Variants in SLC12A6 observed in about 807,000 individuals in gnomAD.
SLC12A6 encodes the protein solute carrier family 12 member 6.
In SLC12A6, 66 loss-of-function variants were observed where a neutral mutation model predicts 135.3. The ratio of observed to expected loss-of-function variants is 0.49; its 90% confidence interval spans 0.40 to 0.60. The LOEUF (loss-of-function observed/expected upper bound fraction) is 0.60. SLC12A6 is among the 20% of genes least tolerant of loss of function. The pLI is 0.00. For synonymous variants in SLC12A6, 513 were observed against 508.8 expected (o/e 1.01, Z -0.11); for missense variants, 1,058 against 1,452.3 (o/e 0.73, Z 4.41).
intron 2 of SLC12A6, among the ~76,000 whole-genome samples, chr15:34,315,178 GA>G (rs2141098341): frequency 6.6e-6 from 1 of 152,306 alleles, no homozygotes; most frequent in Non-Finnish European, 1.5e-5. Context: ...CTCCAATTTT[GA>G]AAGAAGTTCT....
chr15:34,327,289 AAAAT>A (rs893026741), intron 2 of SLC12A6, among the ~76,000 whole-genome samples: 13 of 152,338 alleles, frequency 8.5e-5, no homozygotes, highest in African/African-American at 2.2e-4. Flanking sequence ...GAACCAGAAA[AAAAT>A]AAATAAACCA....
At chr15:34,291,974 G>GCCTACTTCTGTCAACCTGT (rs1199974077) in intron 2 of SLC12A6, among the ~76,000 whole-genome samples, 1 of 152,078 alleles carries the variant, frequency 6.6e-6, no homozygotes, top group Non-Finnish European at 1.5e-5. Context: ...ACCTTCTGAA[G>GCCTACTTCTGTCAACCTGT]CCTACTTCTG....
Position 34,250,957 on chromosome 15 carries a change from A to C in SLC12A6, c.1434T>G (p.Leu478=), listed in dbSNP as rs1330433941. 6.2e-7 allele frequency: 1 copy of C among 1,612,520 alleles called. No individual in the cohort carries two copies. Among genetic ancestry groups the C allele is most frequent in the Non-Finnish European group, 8.5e-7 (1 of 1,178,526 alleles). The part of the protein sequence containing the change: ...VLGSLNHEYV[L]VDITTSFTLL... ...GCGTGAAGGAGGTGGTGATGTCAAC[A>C]AGAACATATTCATGGTTTAAGCTGC... Residue 478 remains leucine (L), a synonymous_variant, in exon 11 of 26, where the codon CTT becomes CTG. Coordinates refer to ENST00000354181, the MANE Select transcript of SLC12A6 (RefSeq NM_001365088.1).
intron 2 of SLC12A6, among the ~76,000 whole-genome samples, 169 bp downstream of exon 2, chr15:34,336,241 C>CT (rs1272283434): frequency 6.6e-6 from 1 of 152,206 alleles, no homozygotes; most frequent in African/African-American, 2.4e-5. Context: ...CAAAGAGCCA[C>CT]TATGCTATTA....
Position 34,231,092 on chromosome 15 carries a change from C to G in SLC12A6, c.*2789G>C, listed in dbSNP as rs1890889312. On this transcript the variant is annotated 3_prime_UTR_variant, in exon 26 of 26. Transcript: ENST00000354181. ...TCCTGGTTGGGCACAGTGGCTCACGCCTGTAATCCCAGCACTTTGGGAGGC... is the reference window on the plus strand; with the variant it reads ...TCCTGGTTGGGCACAGTGGCTCACGGCTGTAATCCCAGCACTTTGGGAGGC... 6.6e-6 allele frequency: 1 copy of G among 152,332 alleles called. No individual in the cohort carries two copies. The highest frequency in any genetic ancestry group is 1.5e-5 in the Non-Finnish European group (1 of 68,168). 9.4% of individuals were successfully genotyped at this position (152,332 alleles called of 1,614,324 possible). A position where few individuals can be genotyped will look rare whatever the true frequency, so the allele number is the denominator to read the frequency against.
intron 2 of SLC12A6, among the ~76,000 whole-genome samples, chr15:34,324,910 G>A (rs930611305): frequency 2.0e-5 from 3 of 151,868 alleles, no homozygotes; most frequent in Non-Finnish European, 4.4e-5. Flanking sequence ...TTAAAAAATA[G>A]TAAAAATGAA....
chr15:34,229,902 A>C lies in SLC12A6; in HGVS notation c.*3979T>G, dbSNP rs568668609. 8.1e-5 allele frequency: 81 copies of C among 999,730 alleles called. No individual in the cohort carries two copies. The highest frequency in any genetic ancestry group is 1.7e-4 in the Admixed American group (9 of 52,782). The allele number at this position is 999,730 out of a possible 1,614,324, so 61.9% of individuals were successfully genotyped here. On this transcript the variant is annotated 3_prime_UTR_variant, in exon 26 of 26. Transcript: ENST00000354181. ...CTAATCACTTATGTTAAAAAGAACCAAAAGACTCTTTTCTCCATGGTGGGG... is the reference window on the plus strand; with the variant it reads ...CTAATCACTTATGTTAAAAAGAACCCAAAGACTCTTTTCTCCATGGTGGGG...
At chr15:34,330,080 T>C (rs1474543689) in intron 2 of SLC12A6, among the ~76,000 whole-genome samples, 1 of 152,146 alleles carries the variant, frequency 6.6e-6, no homozygotes, top group African/African-American at 2.4e-5. Flanking sequence ...ATCATGTACA[T>C]GTTCAAATTT....
chr15:34,282,704 A>ATCAC (rs568217506), intron 2 of SLC12A6, among the ~76,000 whole-genome samples: 35 of 152,300 alleles, frequency 2.3e-4, no homozygotes, highest in African/African-American at 6.7e-4. Flanking sequence ...ATGAGCTATG[A>ATCAC]TCACTCACTC....
chr15:34,336,325 A>T, intron 2 of SLC12A6, 85 bp downstream of exon 2: 1 of 1,079,230 alleles, frequency 9.3e-7, no homozygotes, highest in Non-Finnish European at 1.4e-6. Context: ...TAATTATATG[A>T]TTATGATCTT....
intron 2 of SLC12A6, among the ~76,000 whole-genome samples, chr15:34,321,778 A>G (rs1889108280): frequency 6.6e-6 from 1 of 152,252 alleles, no homozygotes; most frequent in Admixed American, 6.5e-5. Context: ...ACTATTCAGC[A>G]ATAAAAAGGA....
chr15:34,268,341 T>G lies in SLC12A6; in HGVS notation c.316+7004A>C, dbSNP rs918877877. 3.9e-5 allele frequency among the ~76,000 whole-genome samples: 6 copies of G among 152,180 alleles called. No homozygotes were observed. In the South Asian group the frequency reaches 1.2e-3, roughly 31 times the overall value. ...ATATCCCTGGAGATTTTTGTCTACA[T>G]TTTATGAGACCAATGATGCCTCCAA... On this transcript the variant is annotated intron_variant, in intron 3 of 25. Coordinates refer to ENST00000354181, the MANE Select transcript of SLC12A6 (RefSeq NM_001365088.1).
At chr15:34,296,915 T>A (rs74921651) in intron 2 of SLC12A6, among the ~76,000 whole-genome samples, 22 of 152,200 alleles carry the variant, frequency 1.4e-4, no homozygotes, top group Admixed American at 1.3e-4. Context: ...ACCAAACTGT[T>A]TTACTTGTGT....
chr15:34,236,809 T>C lies in SLC12A6; in HGVS notation c.2941A>G (p.Ser981Gly). Reference protein sequence around the residue: ...AEVEVVEMHDSDISAYTYERT... With the variant: ...AEVEVVEMHDGDISAYTYERT... The stretch of plus-strand genomic sequence containing the variant: ...TCGTAAGTATATGCTGATATATCAC[T>C]GTCATGCTGCCATAGACATCACATA... Residue 981 changes from serine (S) to glycine (G), a missense_variant, in exon 23 of 26, where the codon AGT (serine) becomes GGT (glycine). Around this residue, in one of 6 missense-constraint regions of SLC12A6, gnomAD observed 245 missense variants for 440.8 expected, o/e 0.56. Transcript: ENST00000354181. 1.3e-6 allele frequency: 2 copies of C among 1,592,808 alleles called. No individual in the cohort carries two copies. Among genetic ancestry groups the C allele is most frequent in the South Asian group, 1.1e-5 (1 of 90,664 alleles).
In SLC12A6 at chr15:34,260,447, A is replaced by C. The variant is rs112129161; in HGVS notation, c.411+479T>G. 5.2e-3 allele frequency among the ~76,000 whole-genome samples: 791 copies of C among 151,606 alleles called. 2 individuals are homozygous for C. The highest frequency in any genetic ancestry group is 0.014 in the Middle Eastern group (4 of 294). ...CTAATTTTTTGTAGTTTTAGTAGAGACGGGGTTTCACCGTGTCAGCCAGGA... is the reference window on the plus strand; with the variant it reads ...CTAATTTTTTGTAGTTTTAGTAGAGCCGGGGTTTCACCGTGTCAGCCAGGA... On this transcript the variant is annotated intron_variant, in intron 4 of 25. Coordinates refer to ENST00000354181, the MANE Select transcript of SLC12A6 (RefSeq NM_001365088.1).
chr15:34,232,981 G>C lies in SLC12A6; in HGVS notation c.*900C>G, dbSNP rs1227385753. The C allele has an allele frequency of 1.3e-5, 2 of 151,158 alleles. No homozygotes were observed. The highest frequency in any genetic ancestry group is 2.9e-5 in the Non-Finnish European group (2 of 67,902). The allele number at this position is 151,158 out of a possible 1,614,324, so 9.4% of individuals were successfully genotyped here. A position where few individuals can be genotyped will look rare whatever the true frequency, so the allele number is the denominator to read the frequency against. Reference sequence around the variant, plus strand: ...AAAGGCGCGGGGGTGGGGGCGGGGGGAGAAGAACCTGTTGATTAATGTGCA... The same window carrying C: ...AAAGGCGCGGGGGTGGGGGCGGGGGCAGAAGAACCTGTTGATTAATGTGCA... On this transcript the variant is annotated 3_prime_UTR_variant, in exon 26 of 26. Coordinates refer to ENST00000354181, the MANE Select transcript of SLC12A6 (RefSeq NM_001365088.1).
At chr15:34,289,589 G>A (rs1194276341) in intron 2 of SLC12A6, among the ~76,000 whole-genome samples, 1 of 152,148 alleles carries the variant, frequency 6.6e-6, no homozygotes, top group African/African-American at 2.4e-5. Context: ...GTAGAATCTG[G>A]CTGTGAATCC....
At chr15:34,261,599 G>A (rs560325290) in intron 3 of SLC12A6, among the ~76,000 whole-genome samples, 3 of 152,032 alleles carry the variant, frequency 2.0e-5, no homozygotes, top group Non-Finnish European at 4.4e-5. Context: ...GCACCCAGCC[G>A]AGACTCTACT....
At chr15:34,309,924 A>C (rs1389596801) in intron 2 of SLC12A6, among the ~76,000 whole-genome samples, 1 of 152,206 alleles carries the variant, frequency 6.6e-6, no homozygotes, top group Non-Finnish European at 1.5e-5. Flanking sequence ...ATCACTATAG[A>C]AAAGATTTTT....
Sources: gnomAD v4.1 joint callset for allele counts (sites outside exome capture counted in the v4.1 genomes callset) on GRCh38, gnomAD v4.1.1 for gene constraint, gnomAD v4.1.1 regional missense constraint, MANE v1.5 for transcripts, NCBI Gene and HGNC (gene_info 2026-07-23, HGNC 2026-07-21) for gene names.